Variants in PRKAR2A observed in about 807,000 individuals in gnomAD.
PRKAR2A encodes the protein protein kinase cAMP-dependent type II regulatory subunit alpha.
In PRKAR2A, 29 loss-of-function variants were observed where a neutral mutation model predicts 51.9. That is an observed-to-expected ratio of 0.56 (90% CI 0.42 to 0.76). PRKAR2A has a LOEUF of 0.76. Among genes scored for constraint, PRKAR2A ranks in the 30% least tolerant of loss-of-function variants. PRKAR2A has a pLI of 0.00. For synonymous variants in PRKAR2A, 178 were observed against 186.2 expected (o/e 0.96, Z 0.36); for missense variants, 445 against 512.1 (o/e 0.87, Z 1.26).
chr3:48,834,969 CTTT>C (rs765924891), intron 1 of PRKAR2A, among the ~76,000 whole-genome samples: 7 of 131,972 alleles, frequency 5.3e-5, no homozygotes, highest in Admixed American at 2.3e-4. Context: ...AGGAGGATCA[CTTT>C]TTTTTTTTTT....
chr3:48,795,321 T>G (rs1367932991), intron 2 of PRKAR2A, among the ~76,000 whole-genome samples: 1 of 151,996 alleles, frequency 6.6e-6, no homozygotes, highest in Admixed American at 6.6e-5. Flanking sequence ...GTCATGTTAA[T>G]TTTTCACATA....
chr3:48,754,914 C>CA (rs969190943), intron 9 of PRKAR2A, among the ~76,000 whole-genome samples: 262 of 104,566 alleles, frequency 2.5e-3, no homozygotes, highest in South Asian at 5.2e-3. Flanking sequence ...AAGACTCACT[C>CA]AAAAAAAAAA....
intron 2 of PRKAR2A, among the ~76,000 whole-genome samples, chr3:48,802,893 G>A (rs1343702164): frequency 6.6e-6 from 1 of 152,198 alleles, no homozygotes; most frequent in Non-Finnish European, 1.5e-5. Flanking sequence ...GATTATGCAG[G>A]AGAGGAGCTA....
chr3:48,813,232 C>CAAA (rs35033928), intron 1 of PRKAR2A, among the ~76,000 whole-genome samples: 2 of 80,478 alleles, frequency 2.5e-5, no homozygotes, highest in Admixed American at 2.8e-4. Context: ...CTATCTCTAC[C>CAAA]AAAAAAAAAA....
intron 1 of PRKAR2A, among the ~76,000 whole-genome samples, chr3:48,809,674 CCAAT>C (rs892306141): frequency 1.6e-4 from 24 of 151,056 alleles, no homozygotes; most frequent in African/African-American, 5.8e-4. Context: ...TCTACAAATG[CCAAT>C]CAAATGAAAT....
rs1349679708 is a variant in PRKAR2A at position 48,748,352 on chromosome 3, TG to T, written c.*3232del. 1 of 151,416 alleles carries T rather than the reference TG, an allele frequency of 6.6e-6. No homozygotes were observed. The highest frequency in any genetic ancestry group is 1.5e-5 in the Non-Finnish European group (1 of 67,820). The allele number at this position is 151,416 out of a possible 1,614,324, so 9.4% of individuals were successfully genotyped here. A position where few individuals can be genotyped will look rare whatever the true frequency, so the allele number is the denominator to read the frequency against. ...TCTCCCTCTGTTGCCCAGGATGGTT[TG>T]GAACTCCTGGGCTCAAGCAATCCTC... On this transcript the variant is annotated 3_prime_UTR_variant, in exon 11 of 11. Transcript: ENST00000265563.
chr3:48,829,673 CATAA>C (rs2083143995), intron 1 of PRKAR2A, among the ~76,000 whole-genome samples: 3 of 136,702 alleles, frequency 2.2e-5, no homozygotes, highest in East Asian at 2.2e-4. Flanking sequence ...TATACACACA[CATAA>C]ATGTGTGTGT....
At chr3:48,812,871 A>G (rs1219227581) in intron 1 of PRKAR2A, among the ~76,000 whole-genome samples, 1 of 152,188 alleles carries the variant, frequency 6.6e-6, no homozygotes, top group Non-Finnish European at 1.5e-5. Context: ...GATTTTTTAA[A>G]CTCTGAGAAC....
At chr3:48,831,187 T>C (rs1192052099) in intron 1 of PRKAR2A, among the ~76,000 whole-genome samples, 2 of 152,136 alleles carry the variant, frequency 1.3e-5, no homozygotes, top group African/African-American at 4.8e-5. Flanking sequence ...ATGTAATGTG[T>C]TGTAACACAA....
chr3:48,831,064 G>C (rs565245092), intron 1 of PRKAR2A, among the ~76,000 whole-genome samples: 1 of 152,044 alleles, frequency 6.6e-6, no homozygotes, highest in Non-Finnish European at 1.5e-5. Context: ...GACCAATACT[G>C]GTCCATGGCC....
chr3:48,783,213 A>C lies in PRKAR2A; in HGVS notation c.436-121T>G, dbSNP rs191910867. 5.0e-5 allele frequency: 33 copies of C among 666,196 alleles called. No homozygotes were observed. In the East Asian group the frequency reaches 8.9e-4, roughly 18 times the overall value. The allele number at this position is 666,196 out of a possible 1,614,324, so 41.3% of individuals were successfully genotyped here. On this transcript the variant is annotated intron_variant, in intron 4 of 10. Coordinates refer to ENST00000265563, the MANE Select transcript of PRKAR2A (RefSeq NM_004157.4). ...GTCCCCACATTCAAGCAGAAACCTA[A>C]AGGTTGTCTGAAACAAATGCTTTCC... is the stretch of plus-strand genomic sequence containing the variant.
chr3:48,847,709 C>G lies in PRKAR2A; in HGVS notation c.-113G>C. 1 of 1,061,754 alleles carries G rather than the reference C, an allele frequency of 9.4e-7. No individual in the cohort carries two copies. The highest frequency in any genetic ancestry group is 3.2e-5 in the East Asian group (1 of 30,804). 65.8% of individuals were successfully genotyped at this position (1,061,754 alleles called of 1,614,324 possible). A position where few individuals can be genotyped will look rare whatever the true frequency, so the allele number is the denominator to read the frequency against. ...CGCGAGGTCTCTTCGCGCACGGCCCCGGCTCACGTCGCGCCGCTCTTTGGC... is the reference window on the plus strand; with the variant it reads ...CGCGAGGTCTCTTCGCGCACGGCCCGGGCTCACGTCGCGCCGCTCTTTGGC... On this transcript the variant is annotated 5_prime_UTR_variant, in exon 1 of 11. Coordinates refer to ENST00000265563, the MANE Select transcript of PRKAR2A (RefSeq NM_004157.4). The surrounding 1 kb of genome is among the most constrained non-coding windows in gnomAD (Gnocchi z 4.4).
At position 48,765,035 on chromosome 3, in the gene PRKAR2A, ATCT is replaced by A; in HGVS notation, c.839_841del (p.Lys280del). 6.2e-7 allele frequency: 1 copy of A among 1,614,204 alleles called. No individual in the cohort carries two copies. The highest frequency in any genetic ancestry group is 8.5e-7 in the Non-Finnish European group (1 of 1,180,020). ...GATTATGCGTTCTCCATCCTTATAG[ATCT>A]TCTCTCCTATTACATCCACAATCTT... is the stretch of plus-strand genomic sequence containing the variant. On this transcript the variant is annotated inframe_deletion, in exon 8 of 11. Transcript: ENST00000265563.
intron 4 of PRKAR2A, among the ~76,000 whole-genome samples, chr3:48,788,001 C>T (rs1003191386): frequency 1.3e-5 from 2 of 152,052 alleles, no homozygotes; most frequent in Admixed American, 6.6e-5. Context: ...GCCATTCATG[C>T]GGTTTTAAAT....
Position 48,786,344 on chromosome 3 carries a change from C to T in PRKAR2A, c.436-3252G>A, listed in dbSNP as rs532829327. Among the ~76,000 whole-genome samples, 23 of 150,098 alleles carry T rather than the reference C, an allele frequency of 1.5e-4. 2 individuals are homozygous for T. The South Asian group carries it at 4.0e-3, about 26-fold the overall frequency. On this transcript the variant is annotated intron_variant, in intron 4 of 10. Coordinates refer to ENST00000265563, the MANE Select transcript of PRKAR2A (RefSeq NM_004157.4). ...TTCACCATGTTGCCCAGGCTGGTCC[C>T]GTACTCCTGACTTCAGGTGATCTGC... is the stretch of plus-strand genomic sequence containing the variant.
At position 48,750,353 on chromosome 3, in the gene PRKAR2A, A is replaced by C. The variant is rs913155907; in HGVS notation, c.*1232T>G. On this transcript the variant is annotated 3_prime_UTR_variant, in exon 11 of 11. Coordinates refer to ENST00000265563, the MANE Select transcript of PRKAR2A (RefSeq NM_004157.4). ...ACTCCAGCCTGGGCAACAAGAGCGA[A>C]ACTCCGTCTCAAAAAGAAAACAAAA... 1 of 152,732 alleles carries C rather than the reference A, an allele frequency of 6.5e-6. No individual in the cohort carries two copies. Among genetic ancestry groups the C allele is most frequent in the Non-Finnish European group, 1.5e-5 (1 of 68,496 alleles). 9.5% of individuals were successfully genotyped at this position (152,732 alleles called of 1,614,324 possible).
In PRKAR2A at chr3:48,790,528, T is replaced by C. The variant is rs2082366642; in HGVS notation, c.435+16A>G. ...AAAGATCATTATAATAAAAATACTT[T>C]AGAAATCAATGTTACCTGATCAAGA... On this transcript the variant is annotated intron_variant, in intron 4 of 10. Coordinates refer to ENST00000265563, the MANE Select transcript of PRKAR2A (RefSeq NM_004157.4). 6.6e-7 allele frequency: 1 copy of C among 1,505,436 alleles called. No homozygotes were observed. Among genetic ancestry groups the C allele is most frequent in the African/African-American group, 1.4e-5 (1 of 69,990 alleles). The allele number at this position is 1,505,436 out of a possible 1,614,324, so 93.3% of individuals were successfully genotyped here. A position where few individuals can be genotyped will look rare whatever the true frequency, so the allele number is the denominator to read the frequency against.
chr3:48,745,138 G>A (rs1218882414), downstream of PRKAR2A, among the ~76,000 whole-genome samples: 1 of 149,358 alleles, frequency 6.7e-6, no homozygotes, highest in African/African-American at 2.5e-5. Flanking sequence ...GCCTCCCAAA[G>A]TCCTGGGATT....
intron 8 of PRKAR2A, among the ~76,000 whole-genome samples, chr3:48,760,501 C>A (rs1463621989): frequency 6.6e-6 from 1 of 151,678 alleles, no homozygotes; most frequent in Non-Finnish European, 1.5e-5. Flanking sequence ...CATAGAGAGG[C>A]CCTGTCTCTA....
Sources: gnomAD v4.1 joint callset for allele counts (sites outside exome capture counted in the v4.1 genomes callset) on GRCh38, gnomAD v4.1.1 for gene constraint, Gnocchi (gnomAD v3.1) non-coding constraint, MANE v1.5 for transcripts, NCBI Gene and HGNC (gene_info 2026-07-23, HGNC 2026-07-21) for gene names.